Variants in TBPL1 observed in about 807,000 individuals in gnomAD.
The protein encoded by TBPL1 is TATA-box binding protein like 1, also known as TATA box-binding protein-like 1.
In TBPL1, 4 loss-of-function variants were observed where a neutral mutation model predicts 22.1. That is an observed-to-expected ratio of 0.18 (90% CI 0.09 to 0.41). The LOEUF (loss-of-function observed/expected upper bound fraction) is 0.41. Ranked by LOEUF, TBPL1 falls within the 10% of genes least tolerant of loss-of-function variation. The pLI, the probability that TBPL1 is intolerant of heterozygous loss-of-function variation, is 1.00. For synonymous variants in TBPL1, 64 were observed against 71.0 expected, an observed-to-expected ratio of 0.90 and a Z score of 0.50; for missense variants, 115 against 222.3, an observed-to-expected ratio of 0.52 and a Z score of 3.07.
chr6:133,964,097 G>A (rs972398294), intron 1 of TBPL1, among the ~76,000 whole-genome samples: 1 of 152,098 alleles, frequency 6.6e-6, no homozygotes, highest in Non-Finnish European at 1.5e-5. Flanking sequence ...TGTGTGTTCT[G>A]TGTAAGAACC....
At chr6:133,966,062 CAGAGACAGAG>C (rs1758045840) in intron 1 of TBPL1, among the ~76,000 whole-genome samples, 2 of 152,100 alleles carry the variant, frequency 1.3e-5, no homozygotes, top group Non-Finnish European at 2.9e-5. Flanking sequence ...TCTTCAACTT[CAGAGACAGAG>C]AGAGACAGAA....
chr6:133,960,418 C>CTTTTT (rs765884620), intron 1 of TBPL1, among the ~76,000 whole-genome samples: 30 of 131,582 alleles, frequency 2.3e-4, no homozygotes, highest in Middle Eastern at 4.1e-3. Context: ...GCTGACCAGC[C>CTTTTT]TTTTTTTTTT....
chr6:133,962,970 A>G lies in TBPL1; in HGVS notation c.-45+9545A>G, dbSNP rs144640486. Among the ~76,000 whole-genome samples, 1,282 of 152,352 alleles carry G rather than the reference A, an allele frequency of 8.4e-3. 37 individuals are homozygous for G. Among genetic ancestry groups the G allele is most frequent in the Admixed American group, 0.062 (947 of 15,308 alleles). The stretch of plus-strand genomic sequence containing the variant: ...CTTCTTCAGAATCCAGGGATAGGAC[A>G]TGGCAAGGGAGCAGTTGGAGAATCA... On this transcript the variant is annotated intron_variant, in intron 1 of 6. Transcript: ENST00000237264.
intron 4 of TBPL1, 123 bp downstream of exon 4, chr6:133,983,003 GT>G: frequency 2.2e-6 from 2 of 898,728 alleles, no homozygotes; most frequent in Non-Finnish European, 3.2e-6. Context: ...CTTTTTCTAG[GT>G]TTTTTAATAC....
intron 6 of TBPL1, among the ~76,000 whole-genome samples, chr6:133,985,261 G>C (rs1776487304): frequency 9.4e-6 from 1 of 106,118 alleles, no homozygotes. Context: ...ACTGGCAACA[G>C]AGTGAGACTC....
At chr6:133,970,614 CTT>C (rs781630229) in intron 1 of TBPL1, among the ~76,000 whole-genome samples, 9 of 142,554 alleles carry the variant, frequency 6.3e-5, no homozygotes, top group Non-Finnish European at 3.1e-5. Context: ...TTTGTTTTTG[CTT>C]TTTTTTTTTT....
chr6:133,981,107 G>A (rs982978063), intron 2 of TBPL1, among the ~76,000 whole-genome samples: 1 of 151,724 alleles, frequency 6.6e-6, no homozygotes, highest in African/African-American at 2.4e-5. Flanking sequence ...CAAGTAGCTA[G>A]GATTACAGGT....
At chr6:133,954,996 G>C (rs560439789) in intron 1 of TBPL1, among the ~76,000 whole-genome samples, 1 of 152,208 alleles carries the variant, frequency 6.6e-6, no homozygotes, top group Non-Finnish European at 1.5e-5. Context: ...AAGTGGACAG[G>C]ATGCAAAGTG....
Position 133,987,857 on chromosome 6 carries a change from T to A in TBPL1, c.*817T>A, listed in dbSNP as rs1415583609. On this transcript the variant is annotated 3_prime_UTR_variant, in exon 7 of 7. Coordinates refer to ENST00000237264, the MANE Select transcript of TBPL1 (RefSeq NM_004865.4). ...GAAAATGTTAAATAACTTGTAAAGG[T>A]TAAGAAATTGTAGTTTTAAGAAGAG... The A allele has an allele frequency of 6.6e-6, 1 of 152,374 alleles. No homozygotes were observed. Among genetic ancestry groups the A allele is most frequent in the African/African-American group, 2.4e-5 (1 of 41,368 alleles). 9.4% of individuals were successfully genotyped at this position (152,374 alleles called of 1,614,324 possible).
At chr6:133,976,326 T>G (rs1776311847) in intron 1 of TBPL1, among the ~76,000 whole-genome samples, 1 of 152,172 alleles carries the variant, frequency 6.6e-6, no homozygotes, top group African/African-American at 2.4e-5. Flanking sequence ...AATTGAACAT[T>G]TACAATGTTT....
rs1333776347 is a variant in TBPL1, at chr6:133,988,235, T to A, written c.*1195T>A. The A allele has an allele frequency of 6.6e-6, 1 of 152,200 alleles. No individual in the cohort carries two copies. Among genetic ancestry groups the A allele is most frequent in the Non-Finnish European group, 1.5e-5 (1 of 68,026 alleles). The allele number at this position is 152,200 out of a possible 1,614,324, so 9.4% of individuals were successfully genotyped here. On this transcript the variant is annotated 3_prime_UTR_variant, in exon 7 of 7. Coordinates refer to ENST00000237264, the MANE Select transcript of TBPL1 (RefSeq NM_004865.4). ...TATTCAGTATATGAGATTGCTACTC[T>A]TAAAGTTATAATAAATATGCATTTA...
intron 1 of TBPL1, among the ~76,000 whole-genome samples, chr6:133,972,015 A>G (rs1776230581): frequency 6.6e-6 from 1 of 152,196 alleles, no homozygotes; most frequent in African/African-American, 2.4e-5. Flanking sequence ...AAATACTGTG[A>G]TAACTACTAT....
chr6:133,952,984 A>G (rs1252916794), upstream of TBPL1, among the ~76,000 whole-genome samples: 1 of 151,824 alleles, frequency 6.6e-6, no homozygotes, highest in Non-Finnish European at 1.5e-5. This position sits in a 1 kb window ranked among gnomAD's most constrained non-coding sequence, Gnocchi z 4.5. Context: ...CCCCCATCCC[A>G]CCTCTTACCT....
At chr6:133,974,004 C>CAA (rs35184454) in intron 1 of TBPL1, among the ~76,000 whole-genome samples, 412 of 124,548 alleles carry the variant, frequency 3.3e-3, no homozygotes, top group Non-Finnish European at 4.2e-3. Flanking sequence ...CAGACTTTAC[C>CAA]AAAAAAAAAA....
chr6:133,987,648 G>GTGTATATA lies in TBPL1; in HGVS notation c.*609_*610insGTATATAT, dbSNP rs200249148. ...TTTGTGTGTGTGTGTGTGTGTGTGT[G>GTGTATATA]TATATATATATATATATATGCACCA... On this transcript the variant is annotated 3_prime_UTR_variant, in exon 7 of 7. Coordinates refer to ENST00000237264, the MANE Select transcript of TBPL1 (RefSeq NM_004865.4). 14 of 88,394 alleles carry GTGTATATA rather than the reference G, an allele frequency of 1.6e-4. No homozygotes were observed. The highest frequency in any genetic ancestry group is 6.3e-3 in the Middle Eastern group (1 of 158). 5.5% of individuals were successfully genotyped at this position (88,394 alleles called of 1,614,324 possible).
At chr6:133,972,284 G>A (rs925984025) in intron 1 of TBPL1, among the ~76,000 whole-genome samples, 1 of 152,076 alleles carries the variant, frequency 6.6e-6, no homozygotes, top group Non-Finnish European at 1.5e-5. Flanking sequence ...ATGTCACTCA[G>A]ATCTATTCAG....
intron 1 of TBPL1, among the ~76,000 whole-genome samples, chr6:133,963,738 C>T (rs1040302987): frequency 8.0e-5 from 12 of 150,930 alleles, no homozygotes; most frequent in Admixed American, 1.3e-4. Context: ...TTTTCTTGAT[C>T]GTTAAGAACC....
intron 1 of TBPL1, among the ~76,000 whole-genome samples, chr6:133,972,885 G>A (rs1179362508): frequency 6.6e-6 from 1 of 152,138 alleles, no homozygotes; most frequent in Non-Finnish European, 1.5e-5. Flanking sequence ...ACCCTGTGAG[G>A]TACAGGTGGT....
chr6:133,983,925 A>AT (rs1390146035), intron 4 of TBPL1, among the ~76,000 whole-genome samples: 1 of 152,122 alleles, frequency 6.6e-6, no homozygotes, highest in Non-Finnish European at 1.5e-5. Flanking sequence ...CAGAAATGTC[A>AT]TTTTGCCTTA....
Sources: gnomAD v4.1 joint callset for allele counts (sites outside exome capture counted in the v4.1 genomes callset) on GRCh38, gnomAD v4.1.1 for gene constraint, Gnocchi (gnomAD v3.1) non-coding constraint, MANE v1.5 for transcripts, NCBI Gene and HGNC (gene_info 2026-07-23, HGNC 2026-07-21) for gene names.